The following APBB1IP variants were observed in gnomAD, a reference collection of about 807,000 sequenced individuals.
The protein encoded by APBB1IP is amyloid beta A4 precursor protein-binding family B member 1-interacting protein.
In APBB1IP, 27 loss-of-function variants were observed where a neutral mutation model predicts 64.9. That is an observed-to-expected ratio of 0.42 (90% CI 0.31 to 0.57). APBB1IP has a LOEUF of 0.57. Among genes scored for constraint, APBB1IP ranks in the 20% least tolerant of loss-of-function variants. The probability of loss-of-function intolerance (pLI) is 0.20; values close to 1 mark genes in which losing one functional copy is unlikely to be tolerated. For synonymous variants in APBB1IP, 392 were observed against 331.0 expected (o/e 1.18, Z -2.00); for missense variants, 812 against 845.5 (o/e 0.96, Z 0.49).
At chr10:26,546,341 A>G (rs978124457) in intron 11 of APBB1IP, among the ~76,000 whole-genome samples, 4 of 152,324 alleles carry the variant, frequency 2.6e-5, no homozygotes, top group Non-Finnish European at 4.4e-5. Flanking sequence ...TAAGACACAC[A>G]TTGCTAGGCC....
chr10:26,492,397 A>C lies in APBB1IP; in HGVS notation c.71A>C (p.Gln24Pro). ...CTGGGAGAGATGGATCTTCTGACTCAGGTAAACTTCCCTTTTTAACTGGCA... is the reference window on the plus strand; with the variant it reads ...CTGGGAGAGATGGATCTTCTGACTCCGGTAAACTTCCCTTTTTAACTGGCA... ...TLLGEMDLLT[Q>P]SLGVDTLPPP... is the part of the protein sequence containing the mutation. The change falls in exon 3 of 15, where the codon CAG becomes CCG. Residue 24 changes from glutamine (Q) to proline (P), a missense_variant and splice_region_variant. Transcript: ENST00000376236. 1.2e-6 allele frequency: 2 copies of C among 1,613,786 alleles called. No individual in the cohort carries two copies. Among genetic ancestry groups the C allele is most frequent in the African/African-American group, 1.3e-5 (1 of 75,050 alleles).
Position 26,567,781 on chromosome 10 carries a change from A to G in APBB1IP, c.*293A>G. The G allele has an allele frequency of 2.2e-6, 1 of 446,672 alleles. No individual in the cohort carries two copies. Among genetic ancestry groups the G allele is most frequent in the Non-Finnish European group, 3.4e-6 (1 of 296,350 alleles). 27.7% of individuals were successfully genotyped at this position (446,672 alleles called of 1,614,324 possible). On this transcript the variant is annotated 3_prime_UTR_variant, in exon 15 of 15. Coordinates refer to ENST00000376236, the MANE Select transcript of APBB1IP (RefSeq NM_019043.4). ...TTTATTATGTTCAGAAGCATCAAATAAAAGTTAAACGTTTTTCCGGAAGAC... is the reference window on the plus strand; with the variant it reads ...TTTATTATGTTCAGAAGCATCAAATGAAAGTTAAACGTTTTTCCGGAAGAC...
At chr10:26,547,628 A>G (rs1017479440) in intron 11 of APBB1IP, among the ~76,000 whole-genome samples, 1 of 151,944 alleles carries the variant, frequency 6.6e-6, no homozygotes, top group African/African-American at 2.4e-5. Flanking sequence ...ATTTTTTAGT[A>G]GTGATGGGGT....
intron 11 of APBB1IP, among the ~76,000 whole-genome samples, chr10:26,545,629 G>A (rs1410503522): frequency 2.0e-5 from 3 of 152,132 alleles, no homozygotes; most frequent in African/African-American, 7.2e-5. Flanking sequence ...GCGTGGTAGC[G>A]GGCGCCTGTA....
chr10:26,536,138 A>G lies in APBB1IP; in HGVS notation c.965A>G (p.Asp322Gly), dbSNP rs1157570303. 2 of 1,610,336 alleles carry G rather than the reference A, an allele frequency of 1.2e-6. No homozygotes were observed. Among genetic ancestry groups the G allele is most frequent in the Admixed American group, 1.7e-5 (1 of 59,504 alleles). Residue 322 changes from aspartate (D) to glycine (G), a missense_variant, in exon 10 of 15, where the codon GAT becomes GGT. Physicochemically the swap from Asp to Gly is moderately conservative, Grantham distance 94. Transcript: ENST00000376236. The part of the protein sequence containing the change: ...ELEGALYLKE[D>G]GKKSWKRRYF... ...GAAGGAGCTCTTTATTTGAAAGAAG[A>G]TGGAAAGAAATCCTGGAAAAGGCGC...
chr10:26,476,460 A>AAG (rs1835777168), intron 2 of APBB1IP, among the ~76,000 whole-genome samples: 1 of 150,366 alleles, frequency 6.7e-6, no homozygotes, highest in South Asian at 2.1e-4. Context: ...AAAAAAAAAA[A>AAG]AAAAAGAAGA....
chr10:26,500,710 C>A, intron 4 of APBB1IP, 109 bp from the exon 5 acceptor site: 2 of 1,047,682 alleles, frequency 1.9e-6, no homozygotes, highest in Non-Finnish European at 2.8e-6. Context: ...CATAACCAAT[C>A]AAGATAATGA....
At position 26,562,418 on chromosome 10, in the gene APBB1IP, G is replaced by A; in HGVS notation, c.1462G>A (p.Glu488Lys). 2 of 1,613,686 alleles carry A rather than the reference G, an allele frequency of 1.2e-6. No homozygotes were observed. The highest frequency in any genetic ancestry group is 1.7e-6 in the Non-Finnish European group (2 of 1,179,726). Residue 488 changes from glutamate (E) to lysine (K), a missense_variant, in exon 14 of 15, where the codon GAA (glutamate) becomes AAA (lysine). Around this residue, in one of 3 missense-constraint regions of APBB1IP, gnomAD observed 381 missense variants for 352.1 expected, o/e 1.08. Coordinates refer to ENST00000376236, the MANE Select transcript of APBB1IP (RefSeq NM_019043.4). Reference sequence around the variant, plus strand: ...TCTCCAAGAGGCCCAGAGACATGCTGAAACATCGAAGGTAAAACCAGCAAG... The same window carrying A: ...TCTCCAAGAGGCCCAGAGACATGCTAAAACATCGAAGGTAAAACCAGCAAG... ...AVLQEAQRHA[E>K]TSKDKKPALG...
intron 2 of APBB1IP, among the ~76,000 whole-genome samples, chr10:26,472,803 G>A (rs1401085852): frequency 6.6e-6 from 1 of 152,080 alleles, no homozygotes; most frequent in African/African-American, 2.4e-5. Flanking sequence ...CAGGCATGGT[G>A]CCACACTTCT....
chr10:26,450,272 CA>C (rs1330027176), intron 2 of APBB1IP, among the ~76,000 whole-genome samples: 1 of 152,116 alleles, frequency 6.6e-6, no homozygotes, highest in African/African-American at 2.4e-5. Flanking sequence ...AGCATGCGCT[CA>C]AAAATCAAAT....
At chr10:26,549,673 T>C (rs1420945361) in intron 11 of APBB1IP, among the ~76,000 whole-genome samples, 1 of 152,008 alleles carries the variant, frequency 6.6e-6, no homozygotes, top group Non-Finnish European at 1.5e-5. Context: ...TTTCTTTTCA[T>C]CTTTCATTTT....
intron 8 of APBB1IP, among the ~76,000 whole-genome samples, chr10:26,521,656 C>G (rs372646195): frequency 6.6e-6 from 1 of 152,182 alleles, no homozygotes; most frequent in Non-Finnish European, 1.5e-5. Context: ...TCTGTGCTTG[C>G]GTAACCCTAG....
rs182701321 is a variant in APBB1IP at position 26,455,542 on chromosome 10, G to T, written c.-1+16689G>T. 2.8e-4 allele frequency among the ~76,000 whole-genome samples: 42 copies of T among 151,520 alleles called. No homozygotes were observed. In the East Asian group the frequency reaches 4.3e-3, roughly 15 times the overall value. On this transcript the variant is annotated intron_variant, in intron 2 of 14. Coordinates refer to ENST00000376236, the MANE Select transcript of APBB1IP (RefSeq NM_019043.4). ...AAAAAAAAAAGAATAATAATAATAAGAAGAAAAACGTCTTTGGGGATGCTC... is the reference window on the plus strand; with the variant it reads ...AAAAAAAAAAGAATAATAATAATAATAAGAAAAACGTCTTTGGGGATGCTC...
chr10:26,531,972 C>T (rs934039953), intron 8 of APBB1IP, among the ~76,000 whole-genome samples: 1 of 152,112 alleles, frequency 6.6e-6, no homozygotes, highest in African/African-American at 2.4e-5. Context: ...ATAAGAAAAA[C>T]CCAAACTTCA....
chr10:26,537,382 G>A (rs968919526), intron 10 of APBB1IP, among the ~76,000 whole-genome samples: 2 of 151,968 alleles, frequency 1.3e-5, no homozygotes, highest in African/African-American at 4.8e-5. Flanking sequence ...TGTCTCTATC[G>A]GAAGACAGGA....
Position 26,478,359 on chromosome 10 carries a change from G to A in APBB1IP, c.1-13968G>A, listed in dbSNP as rs569566632. 9.9e-5 allele frequency among the ~76,000 whole-genome samples: 15 copies of A among 152,278 alleles called. No individual in the cohort carries two copies. In the South Asian group the frequency reaches 1.9e-3, roughly 19 times the overall value. ...GTGAGTGGGGCGGGAGGATGGAGGCGGTTGAGAAGGTAGCTGAATGTGTGA... is the reference window on the plus strand; with the variant it reads ...GTGAGTGGGGCGGGAGGATGGAGGCAGTTGAGAAGGTAGCTGAATGTGTGA... On this transcript the variant is annotated intron_variant, in intron 2 of 14. Coordinates refer to ENST00000376236, the MANE Select transcript of APBB1IP (RefSeq NM_019043.4).
intron 2 of APBB1IP, among the ~76,000 whole-genome samples, chr10:26,477,066 T>C (rs1387677541): frequency 1.3e-5 from 2 of 152,152 alleles, no homozygotes; most frequent in African/African-American, 2.4e-5. Flanking sequence ...CTCCCAAAGT[T>C]CTGGGATTAC....
At chr10:26,498,235 G>A (rs1042416562) in intron 4 of APBB1IP, among the ~76,000 whole-genome samples, 6 of 152,030 alleles carry the variant, frequency 3.9e-5, no homozygotes, top group East Asian at 1.9e-4. Context: ...CAGGCCAGGC[G>A]TGGTGGCTCT....
chr10:26,440,156 C>T (rs1366715143), intron 2 of APBB1IP, among the ~76,000 whole-genome samples: 3 of 152,134 alleles, frequency 2.0e-5, no homozygotes, highest in African/African-American at 7.2e-5. Flanking sequence ...TTTCTCAGCA[C>T]TTGGGAGACC....
Sources: gnomAD v4.1 joint callset for allele counts (sites outside exome capture counted in the v4.1 genomes callset) on GRCh38, gnomAD v4.1.1 for gene constraint, gnomAD v4.1.1 regional missense constraint, MANE v1.5 for transcripts, NCBI Gene and HGNC (gene_info 2026-07-23, HGNC 2026-07-21) for gene names.